The following MPP7 variants were observed in gnomAD, a reference collection of about 807,000 sequenced individuals.
MPP7 encodes the protein MAGUK p55 subfamily member 7.
A neutral mutation model predicts 76.5 loss-of-function variants in MPP7; 60 were observed. That is an observed-to-expected ratio of 0.78 (90% confidence interval 0.64 to 0.97). The LOEUF is 0.97. Ranked by LOEUF, MPP7 falls within the 50% of genes least tolerant of loss-of-function variation. The pLI is 0.00. For synonymous variants in MPP7, 237 were observed against 244.5 expected, an observed-to-expected ratio of 0.97 and a Z score of 0.29; for missense variants, 641 against 694.0, an observed-to-expected ratio of 0.92 and a Z score of 0.86.
intron 1 of MPP7, among the ~76,000 whole-genome samples, chr10:28,259,926 T>A (rs1839897505): frequency 6.6e-6 from 1 of 151,952 alleles, no homozygotes; most frequent in Non-Finnish European, 1.5e-5. Flanking sequence ...AAGGCTGCAG[T>A]GAGCCATGAT....
intron 1 of MPP7, among the ~76,000 whole-genome samples, chr10:28,255,296 T>C (rs552836816): frequency 1.3e-5 from 2 of 151,970 alleles, no homozygotes; most frequent in Non-Finnish European, 2.9e-5. Flanking sequence ...GTATTTTTAG[T>C]AGAGACGGGG....
chr10:28,314,495 G>A (rs1368925939), intron 2 of MPP7, among the ~76,000 whole-genome samples: 1 of 152,234 alleles, frequency 6.6e-6, no homozygotes, highest in Non-Finnish European at 1.5e-5. Flanking sequence ...TGTTGCAGGA[G>A]TTCTAGCTTC....
intron 1 of MPP7, among the ~76,000 whole-genome samples, chr10:28,331,841 C>T (rs78438616): frequency 0.029 from 4,398 of 152,186 alleles, 91 homozygotes; most frequent in Non-Finnish European, 0.043. Flanking sequence ...TCCCAAAGTG[C>T]GGGAATTACA....
At chr10:28,083,182 C>T (rs1425648932) in intron 12 of MPP7, among the ~76,000 whole-genome samples, 1 of 152,144 alleles carries the variant, frequency 6.6e-6, no homozygotes, top group Non-Finnish European at 1.5e-5. Context: ...GATTTCTCCA[C>T]GTAACAGGCT....
Position 28,095,194 on chromosome 10 carries a change from C to CATATATATATATATATATATATAT in MPP7, c.953-5377_953-5354dup, listed in dbSNP as rs10528025. ...TATCTGATATACATACACACATATGCATATATATATATATATATATATATA... is the reference window on the plus strand; with the variant it reads ...TATCTGATATACATACACACATATGCATATATATATATATATATATATATATATATATATATATATATATATATA... On this transcript the variant is annotated intron_variant, in intron 11 of 16. Coordinates refer to ENST00000683449, the MANE Select transcript of MPP7 (RefSeq NM_001318170.2). Among the ~76,000 whole-genome samples the CATATATATATATATATATATATAT allele has an allele frequency of 1.6e-4, 21 of 130,836 alleles. No homozygotes were observed. In the East Asian group the frequency reaches 1.6e-3, roughly 10 times the overall value. 85.8% of individuals were successfully genotyped at this position (130,836 alleles called of 152,430 possible). A position where few individuals can be genotyped will look rare whatever the true frequency, so the allele number is the denominator to read the frequency against.
rs926473520 is a variant in MPP7 at position 28,052,916 on chromosome 10, A to C, written c.*1149T>G. Reference sequence around the variant, plus strand: ...TCTAGCATTTTGAATTATATAATTCACTTGCTGAAAATCAGTAGTATCAAA... The same window carrying C: ...TCTAGCATTTTGAATTATATAATTCCCTTGCTGAAAATCAGTAGTATCAAA... On this transcript the variant is annotated 3_prime_UTR_variant, in exon 17 of 17. Transcript: ENST00000683449. The C allele has an allele frequency of 1.3e-5, 2 of 152,216 alleles. No individual in the cohort carries two copies. The highest frequency in any genetic ancestry group is 1.3e-4 in the Admixed American group (2 of 15,286). 9.4% of individuals were successfully genotyped at this position (152,216 alleles called of 1,614,324 possible).
chr10:28,058,537 G>A lies in MPP7; in HGVS notation c.1365C>T (p.Val455=). The change falls in exon 15 of 17, where the codon GTC becomes GTT. Residue 455 remains valine, a synonymous_variant. Transcript: ENST00000683449. ...YGTSIDSVRS[V]LAKNKVCLLD... is the part of the protein sequence containing the mutation. The stretch of plus-strand genomic sequence containing the variant: ...ACAAACAAACTTTGTTTTTAGCAAG[G>A]ACAGACCGAACTGAGTCTATACTTG... The A allele has an allele frequency of 6.2e-7, 1 of 1,606,516 alleles. No homozygotes were observed.
chr10:28,213,625 G>A (rs1838214900), intron 2 of MPP7, among the ~76,000 whole-genome samples: 1 of 151,548 alleles, frequency 6.6e-6, no homozygotes, highest in South Asian at 2.1e-4. Flanking sequence ...AAACCCTGTT[G>A]TAAAAATACA....
At chr10:28,290,310 T>G (rs1053227173) in intron 1 of MPP7, among the ~76,000 whole-genome samples, 10 of 142,668 alleles carry the variant, frequency 7.0e-5, no homozygotes, top group Admixed American at 2.8e-4. Context: ...TTTTTTAACA[T>G]AGAGAGTATT....
chr10:28,282,780 C>T (rs769490601), intron 1 of MPP7, among the ~76,000 whole-genome samples: 3 of 151,952 alleles, frequency 2.0e-5, no homozygotes, highest in Non-Finnish European at 4.4e-5. Flanking sequence ...TTCAACCCCT[C>T]GCTATTGCCT....
In MPP7 at chr10:28,332,246, CGTGT is replaced by C. The variant is rs4018712; in HGVS notation, c.-206+2168_-206+2171del. Among the ~76,000 whole-genome samples, 532 of 146,890 alleles carry C rather than the reference CGTGT, an allele frequency of 3.6e-3. 4 individuals carry two copies. The highest frequency in any genetic ancestry group is 0.012 in the African/African-American group (465 of 39,558). On this transcript the variant is annotated intron_variant, in intron 1 of 11. Coordinates refer to the MPP7 transcript ENST00000441595. ...ACATTGCCAGTTTGTCAAATGTATGCGTGTGTGTGTGTGTGTGTGTGTGTGTGTG... is the reference window on the plus strand; with the variant it reads ...ACATTGCCAGTTTGTCAAATGTATGCGTGTGTGTGTGTGTGTGTGTGTGTG...
chr10:28,070,390 C>T (rs534147828), intron 12 of MPP7, among the ~76,000 whole-genome samples: 15 of 152,196 alleles, frequency 9.9e-5, no homozygotes, highest in Middle Eastern at 3.4e-3. Context: ...CAGAGTGAGA[C>T]TCCTCAAAAA....
At chr10:28,127,317 G>T (rs1564645972) in intron 6 of MPP7, among the ~76,000 whole-genome samples, 1 of 152,200 alleles carries the variant, frequency 6.6e-6, no homozygotes, top group African/African-American at 2.4e-5. Flanking sequence ...AAAAATGTCT[G>T]CTTTCTCATC....
chr10:28,164,084 G>C (rs1327353151), intron 3 of MPP7, among the ~76,000 whole-genome samples: 2 of 152,118 alleles, frequency 1.3e-5, no homozygotes, highest in African/African-American at 4.8e-5. Context: ...GGCAGATGAT[G>C]ATATAGGCCT....
chr10:28,069,949 A>G (rs1336234708), intron 12 of MPP7, 97 bp from the exon 13 acceptor site: 1 of 801,662 alleles, frequency 1.2e-6, no homozygotes, highest in East Asian at 2.6e-5. Flanking sequence ...GAAAACATGG[A>G]TCCAGCTTTG....
intron 2 of MPP7, among the ~76,000 whole-genome samples, chr10:28,211,831 T>C (rs987529877): frequency 6.6e-6 from 1 of 151,908 alleles, no homozygotes; most frequent in African/African-American, 2.4e-5. Flanking sequence ...AGGAAGGATA[T>C]GGGAGCCCAG....
At chr10:28,140,030 T>A (rs1346720825) in intron 5 of MPP7, among the ~76,000 whole-genome samples, 1 of 152,152 alleles carries the variant, frequency 6.6e-6, no homozygotes, top group East Asian at 1.9e-4. Flanking sequence ...TTTAAATAAG[T>A]CAGGATATTG....
intron 11 of MPP7, among the ~76,000 whole-genome samples, chr10:28,096,735 T>G (rs551177735): frequency 2.0e-5 from 3 of 152,182 alleles, no homozygotes; most frequent in Non-Finnish European, 4.4e-5. Context: ...AAAAAGTGGG[T>G]TGCACAGCTT....
At chr10:28,225,987 C>T (rs1296046022) in intron 2 of MPP7, among the ~76,000 whole-genome samples, 6 of 152,148 alleles carry the variant, frequency 3.9e-5, no homozygotes, top group Non-Finnish European at 7.3e-5. Context: ...AAACATCTCA[C>T]ATGTCCACCA....
Sources: gnomAD v4.1 joint callset for allele counts (sites outside exome capture counted in the v4.1 genomes callset) on GRCh38, gnomAD v4.1.1 for gene constraint, MANE v1.5 for transcripts, NCBI Gene and HGNC (gene_info 2026-07-23, HGNC 2026-07-21) for gene names.